The following SHISA9 variants were observed in gnomAD, a reference collection of about 807,000 sequenced individuals.
SHISA9 encodes the protein protein shisa-9.
A neutral mutation model predicts 38.0 loss-of-function variants in SHISA9; 13 were observed. That is an observed-to-expected ratio of 0.34 (90% CI 0.22 to 0.54). The LOEUF (loss-of-function observed/expected upper bound fraction) is 0.54. SHISA9 is among the 20% of genes least tolerant of loss of function. The pLI, the probability that SHISA9 is intolerant of heterozygous loss-of-function variation, is 0.91. For missense variants in SHISA9, 538 were observed against 575.8 expected, an observed-to-expected ratio of 0.93 and a Z score of 0.67; for synonymous variants, 275 against 242.0, an observed-to-expected ratio of 1.14 and a Z score of -1.27.
chr16:13,226,453 A>C (rs2051280518), intron 4 of SHISA9, among the ~76,000 whole-genome samples: 1 of 152,230 alleles, frequency 6.6e-6, no homozygotes, highest in African/African-American at 2.4e-5. Flanking sequence ...ATAGGACATT[A>C]GATGGCCTGA....
the SHISA9 span, among the ~76,000 whole-genome samples, chr16:13,349,564 T>C: frequency 2.1e-3 from 323 of 152,354 alleles, 2 homozygotes; most frequent in Admixed American, 3.8e-3. Context: ...GTAGCATTTC[T>C]GTTGCAACAA....
chr16:13,077,672 C>A (rs16961085), intron 2 of SHISA9, among the ~76,000 whole-genome samples: 3,334 of 152,228 alleles, frequency 0.022, 50 homozygotes, highest in Admixed American at 0.048. Flanking sequence ...GTTGGAGAAA[C>A]ATCAGGAGTT....
the SHISA9 span, among the ~76,000 whole-genome samples, chr16:13,312,028 G>T: frequency 7.2e-4 from 109 of 152,220 alleles, no homozygotes; most frequent in Non-Finnish European, 7.6e-4. Context: ...GAAGAGAGGG[G>T]GACAATCTAA....
At chr16:13,241,174 C>A (rs1567263014), downstream of SHISA9, among the ~76,000 whole-genome samples, 1 of 152,174 alleles carries the variant, frequency 6.6e-6, no homozygotes, top group Non-Finnish European at 1.5e-5. Flanking sequence ...TGTTCAGACA[C>A]TCCTAGGCTG....
the SHISA9 span, among the ~76,000 whole-genome samples, chr16:13,421,534 C>G: frequency 2.6e-5 from 4 of 152,168 alleles, no homozygotes; most frequent in African/African-American, 9.7e-5. Context: ...TTATGTCCCA[C>G]TGGATCCTTC....
At chr16:13,539,311 T>TAG in the SHISA9 span, among the ~76,000 whole-genome samples, 1 of 49,870 alleles carries the variant, frequency 2.0e-5, no homozygotes, top group Non-Finnish European at 4.4e-5. Context: ...TACATATATA[T>TAG]ATATATAAAG....
chr16:13,145,544 A>AC (rs1394492022), intron 2 of SHISA9, among the ~76,000 whole-genome samples: 2 of 152,002 alleles, frequency 1.3e-5, no homozygotes, highest in Middle Eastern at 3.2e-3. Context: ...AACAACAACA[A>AC]AAAAAGGTAG....
the SHISA9 span, among the ~76,000 whole-genome samples, chr16:13,454,682 T>C: frequency 6.6e-6 from 1 of 152,222 alleles, no homozygotes; most frequent in African/African-American, 2.4e-5. Context: ...GAAGCCAGAC[T>C]GTCCCCCGAA....
chr16:13,048,805 A>T lies in SHISA9; in HGVS notation c.691+131990A>T, dbSNP rs564374352. Among the ~76,000 whole-genome samples the T allele has an allele frequency of 5.9e-5, 9 of 152,368 alleles. No homozygotes were observed. The East Asian group carries it at 1.4e-3, about 23-fold the overall frequency. On this transcript the variant is annotated intron_variant, in intron 2 of 4. Coordinates refer to ENST00000558583, the MANE Select transcript of SHISA9 (RefSeq NM_001145204.3). ...TGTTCTAAGACAAGCTTTGGACTTC[A>T]AGATAACTCCATAATAGGTAGAGGT...
At chr16:13,488,335 A>T in the SHISA9 span, among the ~76,000 whole-genome samples, 1 of 152,156 alleles carries the variant, frequency 6.6e-6, no homozygotes, top group African/African-American at 2.4e-5. Flanking sequence ...TTAATTATGA[A>T]CTGTTATTGA....
chr16:13,018,747 T>C (rs1370688544), intron 2 of SHISA9, among the ~76,000 whole-genome samples: 1 of 152,194 alleles, frequency 6.6e-6, no homozygotes, highest in African/African-American at 2.4e-5. Context: ...TGAATGTGCA[T>C]AAATACCAGC....
chr16:13,362,937 A>G, the SHISA9 span, among the ~76,000 whole-genome samples: 3 of 152,218 alleles, frequency 2.0e-5, no homozygotes, highest in Non-Finnish European at 4.4e-5. Flanking sequence ...TATAAAAGGA[A>G]TGCTGATGCC....
chr16:13,013,396 C>T (rs1458788912), intron 2 of SHISA9, among the ~76,000 whole-genome samples: 5 of 152,000 alleles, frequency 3.3e-5, no homozygotes, highest in South Asian at 2.1e-4. Context: ...AGAGCCTGGC[C>T]GGGGGAAACT....
At chr16:13,402,673 G>A in the SHISA9 span, among the ~76,000 whole-genome samples, 3 of 151,998 alleles carry the variant, frequency 2.0e-5, no homozygotes, top group South Asian at 2.1e-4. Flanking sequence ...CGCCACGCCC[G>A]GCTATTTTTT....
intron 2 of SHISA9, among the ~76,000 whole-genome samples, chr16:13,102,036 C>T (rs1055550662): frequency 1.3e-5 from 2 of 152,142 alleles, no homozygotes; most frequent in African/African-American, 4.8e-5. Context: ...GGTGTGTGCT[C>T]CCTACTCACC....
chr16:13,064,547 G>C (rs2073411968), intron 2 of SHISA9, among the ~76,000 whole-genome samples: 1 of 152,064 alleles, frequency 6.6e-6, no homozygotes, highest in South Asian at 2.1e-4. Context: ...ATGTACATAA[G>C]AATTTTGAAT....
the SHISA9 span, among the ~76,000 whole-genome samples, chr16:13,391,379 C>T: frequency 2.6e-5 from 4 of 152,134 alleles, no homozygotes; most frequent in Admixed American, 2.0e-4. Context: ...AGATTTAGCT[C>T]CTTCACAACT....
At chr16:12,931,839 G>A (rs980674342) in intron 2 of SHISA9, among the ~76,000 whole-genome samples, 18 of 152,252 alleles carry the variant, frequency 1.2e-4, no homozygotes, top group Non-Finnish European at 2.4e-4. Flanking sequence ...AACACCATAT[G>A]AGGCATACTC....
chr16:13,434,356 C>T, the SHISA9 span, among the ~76,000 whole-genome samples: 2 of 151,258 alleles, frequency 1.3e-5, no homozygotes, highest in Non-Finnish European at 2.9e-5. Flanking sequence ...CAATACTTTG[C>T]ATCCTTCAAT....
Sources: allele counts gnomAD v4.1 joint callset (sites outside exome capture counted in the v4.1 genomes callset), GRCh38; gene constraint gnomAD v4.1.1; transcripts MANE v1.5; gene names NCBI Gene and HGNC (gene_info 2026-07-23, HGNC 2026-07-21).